SLC25A44: variants seen among roughly 807,000 people sequenced by gnomAD.
SLC25A44 encodes solute carrier family 25, member 44.
In SLC25A44, 17 loss-of-function variants were observed where a neutral mutation model predicts 29.9. That is an observed-to-expected ratio of 0.57 (90% confidence interval 0.39 to 0.85). SLC25A44 has a LOEUF of 0.85. Ranked by LOEUF, SLC25A44 falls within the 40% of genes least tolerant of loss-of-function variation. SLC25A44 has a pLI of 0.00. For missense variants in SLC25A44, 302 were observed against 398.4 expected, an observed-to-expected ratio of 0.76 and a Z score of 2.06; for synonymous variants, 140 against 151.8, an observed-to-expected ratio of 0.92 and a Z score of 0.57.
chr1:156,197,498 C>G (rs1656286930), intron 1 of SLC25A44: 1 of 152,250 alleles, frequency 6.6e-6, no homozygotes, highest in African/African-American at 2.4e-5. Flanking sequence ...GTGGCTCATG[C>G]CTGTAATCCT....
chr1:156,207,155 T>C (rs950550173), intron 2 of SLC25A44, among the ~76,000 whole-genome samples: 6 of 151,356 alleles, frequency 4.0e-5, no homozygotes, highest in African/African-American at 1.2e-4. Context: ...CTGCGCAACA[T>C]AGTGAGACTC....
At chr1:156,195,104 ATTTTTTTT>A (rs1191256706) in intron 1 of SLC25A44, among the ~76,000 whole-genome samples, 4 of 136,802 alleles carry the variant, frequency 2.9e-5, no homozygotes, top group Non-Finnish European at 6.4e-5. Context: ...CTACAGCTCT[ATTTTTTTT>A]TTTTTTTTTG....
rs867302165 is a variant in SLC25A44, at chr1:156,200,139, C to A, written c.292C>A (p.Arg98=). ...TTATGTCACCACTTATGAGCTCACC[C>A]GGAAGTTTGTAGCTGACTACAGCCA... The part of the protein sequence containing the change: ...QCYVTTYELT[R]KFVADYSQSN... Residue 98 remains arginine, a synonymous_variant, in exon 2 of 4, where the codon CGG becomes AGG. Coordinates refer to ENST00000359511, the MANE Select transcript of SLC25A44 (RefSeq NM_014655.4). 1 of 1,614,164 alleles carries A rather than the reference C, an allele frequency of 6.2e-7. No individual in the cohort carries two copies. The highest frequency in any genetic ancestry group is 1.3e-5 in the African/African-American group (1 of 75,018).
intron 3 of SLC25A44, among the ~76,000 whole-genome samples, chr1:156,209,570 G>A (rs1238372335): frequency 6.6e-6 from 1 of 152,172 alleles, no homozygotes; most frequent in Non-Finnish European, 1.5e-5. Context: ...AGGGGTTGGG[G>A]AGGGTGTGGG....
rs560666244 is a variant in SLC25A44 at position 156,203,982 on chromosome 1, G to A, written c.625+3510G>A. ...GCCTCCCGAAGTGCAGGGATTACAG[G>A]CATGAGCCACCGCGCCTGGCCCTTC... is the stretch of plus-strand genomic sequence containing the variant. On this transcript the variant is annotated intron_variant, in intron 2 of 3. Coordinates refer to ENST00000359511, the MANE Select transcript of SLC25A44 (RefSeq NM_014655.4). Among the ~76,000 whole-genome samples the A allele has an allele frequency of 4.6e-5, 7 of 151,346 alleles. No individual in the cohort carries two copies. In the East Asian group the frequency reaches 1.2e-3, roughly 25 times the overall value.
intron 2 of SLC25A44, among the ~76,000 whole-genome samples, chr1:156,200,938 C>A (rs1049741438): frequency 6.7e-6 from 1 of 148,550 alleles, no homozygotes; most frequent in African/African-American, 2.5e-5. Flanking sequence ...CGGGTTCAAG[C>A]GATTCTTGTG....
chr1:156,196,303 G>A (rs1656207824), intron 1 of SLC25A44: 1 of 152,246 alleles, frequency 6.6e-6, no homozygotes, highest in African/African-American at 2.4e-5. Context: ...TGCCCCTTTT[G>A]AAGGGGTAAA....
intron 2 of SLC25A44, 32 bp from the exon 3 acceptor site, chr1:156,207,854 G>A: frequency 6.2e-7 from 1 of 1,613,066 alleles, no homozygotes; most frequent in Non-Finnish European, 8.5e-7. Context: ...GGTGCTTTGT[G>A]TCTTTAGCCA....
In SLC25A44 at chr1:156,200,246, C is replaced by A. The variant is rs1055302036; in HGVS notation, c.399C>A (p.Val133=). ...GCATCACAGTGCCCATTGATGTAGT[C>A]TCCCAGCACCTGATGATGCAACGCA... The part of the protein sequence containing the change: ...AQSITVPIDV[V]SQHLMMQRKG... Residue 133 remains valine (V), a synonymous_variant, in exon 2 of 4, where the codon GTC becomes GTA. Coordinates refer to ENST00000359511, the MANE Select transcript of SLC25A44 (RefSeq NM_014655.4). 1.2e-6 allele frequency: 2 copies of A among 1,614,114 alleles called. No individual in the cohort carries two copies. Among genetic ancestry groups the A allele is most frequent in the Admixed American group, 3.3e-5 (2 of 60,002 alleles).
chr1:156,210,139 G>C (rs569423960), intron 3 of SLC25A44, 101 bp from the exon 4 acceptor site: 186 of 791,342 alleles, frequency 2.4e-4, no homozygotes, highest in Non-Finnish European at 2.9e-4. Context: ...ACCTTCCGAC[G>C]TCGGAGTCTG....
intron 1 of SLC25A44, 115 bp from the exon 2 acceptor site, chr1:156,199,720 A>C: frequency 1.2e-6 from 1 of 811,296 alleles, no homozygotes; most frequent in South Asian, 1.8e-5. Flanking sequence ...AGCTTTGGGC[A>C]GGTGAGTGTC....
At position 156,198,549 on chromosome 1, in the gene SLC25A44, G is replaced by C. The variant is rs1020492907; in HGVS notation, c.-13-1286G>C. ...CTGCAGCCCCAACCTTCAGGGCTCA[G>C]GTGATCCTCCCACCTCAGCCACCCA... On this transcript the variant is annotated intron_variant, in intron 1 of 3. Transcript: ENST00000359511. The surrounding 1 kb of genome is among the most constrained non-coding windows in gnomAD (Gnocchi z 4.1). The C allele has an allele frequency of 9.9e-5, 15 of 152,042 alleles. No homozygotes were observed. Among genetic ancestry groups the C allele is most frequent in the Non-Finnish European group, 1.9e-4 (13 of 68,060 alleles). 9.4% of individuals were successfully genotyped at this position (152,042 alleles called of 1,614,324 possible). A position where few individuals can be genotyped will look rare whatever the true frequency, so the allele number is the denominator to read the frequency against.
At chr1:156,202,943 AAACTT>A (rs2103041564) in intron 2 of SLC25A44, among the ~76,000 whole-genome samples, 1 of 152,366 alleles carries the variant, frequency 6.6e-6, no homozygotes, top group East Asian at 1.9e-4. Flanking sequence ...GGGTCTGGTG[AAACTT>A]AATTGCTCAG....
At chr1:156,204,440 T>C (rs1656802417) in intron 2 of SLC25A44, among the ~76,000 whole-genome samples, 1 of 152,228 alleles carries the variant, frequency 6.6e-6, no homozygotes, top group African/African-American at 2.4e-5. Flanking sequence ...GAGGACAGAA[T>C]AGACAGGCCC....
At chr1:156,199,786 A>G in intron 1 of SLC25A44, 49 bp from the exon 2 acceptor site, 1 of 1,522,574 alleles carries the variant, frequency 6.6e-7, no homozygotes, top group South Asian at 1.3e-5. Flanking sequence ...GGGAAAGCAC[A>G]AAGCTCCACC....
chr1:156,196,174 G>C (rs967894306), intron 1 of SLC25A44: 2 of 152,254 alleles, frequency 1.3e-5, no homozygotes, highest in Admixed American at 6.5e-5. Context: ...TTGCATACAG[G>C]TATCTGCAAA....
intron 2 of SLC25A44, among the ~76,000 whole-genome samples, chr1:156,203,970 C>T (rs1382563659): frequency 6.6e-6 from 1 of 151,550 alleles, no homozygotes; most frequent in Non-Finnish European, 1.5e-5. Context: ...TCCCGAAGTG[C>T]AGGGATTACA....
intron 2 of SLC25A44, 29 bp downstream of exon 2, chr1:156,200,501 G>A (rs753145496): frequency 1.9e-6 from 3 of 1,556,350 alleles, no homozygotes; most frequent in African/African-American, 2.7e-5. Flanking sequence ...AGTGGGGGAG[G>A]AAGGTGGGAT....
intron 1 of SLC25A44, among the ~76,000 whole-genome samples, chr1:156,196,037 T>G (rs144056779): frequency 1.6e-4 from 24 of 152,298 alleles, no homozygotes; most frequent in Admixed American, 3.9e-4. Context: ...CACGTCAACA[T>G]TTGTGCCTGA....
Sources: allele counts gnomAD v4.1 joint callset (sites outside exome capture counted in the v4.1 genomes callset), GRCh38; gene constraint gnomAD v4.1.1; non-coding constraint Gnocchi (gnomAD v3.1); transcripts MANE v1.5; gene names NCBI Gene and HGNC (gene_info 2026-07-23, HGNC 2026-07-21).